PCDHGB4: variants seen among roughly 807,000 people sequenced by gnomAD.
The protein encoded by PCDHGB4 is protocadherin gamma subfamily B, 4.
In PCDHGB4, 38 loss-of-function variants were observed where a neutral mutation model predicts 60.5. The ratio of observed to expected loss-of-function variants is 0.63; its 90% CI spans 0.48 to 0.82. PCDHGB4 has a LOEUF of 0.82. Among genes scored for constraint, PCDHGB4 ranks in the 40% least tolerant of loss-of-function variants. The pLI is 0.00. For synonymous variants in PCDHGB4, 456 were observed against 509.7 expected (o/e 0.89, Z 1.42); for missense variants, 1,109 against 1,209.6 (o/e 0.92, Z 1.23).
intron 1 of PCDHGB4, among the ~76,000 whole-genome samples, chr5:141,464,833 G>A (rs1015373577): frequency 6.6e-6 from 1 of 151,990 alleles, no homozygotes; most frequent in African/African-American, 2.4e-5. Context: ...CGCACTCCTG[G>A]GCTCAAGCAA....
rs141959335 is a variant in PCDHGB4, at chr5:141,491,261, T to C, written c.2398-3546T>C. On this transcript the variant is annotated intron_variant, in intron 1 of 3. Transcript: ENST00000519479. This position sits in a 1 kb window ranked among gnomAD's most constrained non-coding sequence, Gnocchi z 6.9. Reference sequence around the variant, plus strand: ...CTGGAGGATGAGGACCCTGAGGAAATGCCCAAATCCAGTGACTTCCTCATA... The same window carrying C: ...CTGGAGGATGAGGACCCTGAGGAAACGCCCAAATCCAGTGACTTCCTCATA... 104 of 1,614,044 alleles carry C rather than the reference T, an allele frequency of 6.4e-5. No individual in the cohort carries two copies. Among genetic ancestry groups the C allele is most frequent in the Non-Finnish European group, 8.1e-5 (95 of 1,180,028 alleles).
In PCDHGB4 at chr5:141,511,286, G is replaced by A. The variant is rs1231704933; in HGVS notation, c.*113G>A. On this transcript the variant is annotated 3_prime_UTR_variant, in exon 4 of 4. Coordinates refer to ENST00000519479, the MANE Select transcript of PCDHGB4 (RefSeq NM_003736.4). The stretch of plus-strand genomic sequence containing the variant: ...GGCTAACCCCCAGAATACTGGTAGG[G>A]GCCAAGGCCATGCTCCCCTTGGGAA... 2 of 1,520,242 alleles carry A rather than the reference G, an allele frequency of 1.3e-6. No individual in the cohort carries two copies. The allele number at this position is 1,520,242 out of a possible 1,614,324, so 94.2% of individuals were successfully genotyped here.
chr5:141,398,528 C>T (rs1355149152), intron 1 of PCDHGB4: 2 of 1,613,386 alleles, frequency 1.2e-6, no homozygotes, highest in Non-Finnish European at 1.7e-6. Flanking sequence ...CCAAAATTCA[C>T]GCAAAATTCC....
rs1561728654 is a variant in PCDHGB4, at chr5:141,410,479, G to C, written c.2397+20198G>C. 3.7e-6 allele frequency: 6 copies of C among 1,613,838 alleles called. No homozygotes were observed. In the African/African-American group the frequency reaches 8.0e-5, roughly 22 times the overall value. ...CTTATAATCTGTGCATTGCACATAC[G>C]GGTACAAAAGAGTTTAATTTCCTAA... On this transcript the variant is annotated intron_variant, in intron 1 of 3. Coordinates refer to ENST00000519479, the MANE Select transcript of PCDHGB4 (RefSeq NM_003736.4).
chr5:141,422,723 G>A lies in PCDHGB4; in HGVS notation c.2397+32442G>A. The stretch of plus-strand genomic sequence containing the variant: ...TCTCTGACGGATGACACTGTCCAGG[G>A]GGTGCCTCTGTCCTCCTATGTCTCT... On this transcript the variant is annotated intron_variant, in intron 1 of 3. Coordinates refer to ENST00000519479, the MANE Select transcript of PCDHGB4 (RefSeq NM_003736.4). The A allele has an allele frequency of 1.2e-6, 2 of 1,605,958 alleles. No homozygotes were observed. The highest frequency in any genetic ancestry group is 1.7e-6 in the Non-Finnish European group (2 of 1,175,478).
chr5:141,419,354 C>G (rs1444462815), intron 1 of PCDHGB4: 1 of 1,613,828 alleles, frequency 6.2e-7, no homozygotes, highest in Admixed American at 1.7e-5. Flanking sequence ...CCTGGAGTCA[C>G]GAACGCTGTC....
rs769232324 is a variant in PCDHGB4, at chr5:141,423,034, G to T, written c.2397+32753G>T. 4 of 1,614,082 alleles carry T rather than the reference G, an allele frequency of 2.5e-6. No individual in the cohort carries two copies. In the African/African-American group the frequency reaches 4.0e-5, roughly 16 times the overall value. On this transcript the variant is annotated intron_variant, in intron 1 of 3. Coordinates refer to ENST00000519479, the MANE Select transcript of PCDHGB4 (RefSeq NM_003736.4). ...GGTGGACAAAGATTCAGGCCAGAAC[G>T]CCTGGCTGTCCTATCGCCTGCTTAA...
chr5:141,422,853 C>T (rs746989617), intron 1 of PCDHGB4: 8 of 1,614,264 alleles, frequency 5.0e-6, no homozygotes, highest in South Asian at 3.3e-5. Flanking sequence ...GGGACCCGCC[C>T]CTCAGCAGCA....
At chr5:141,398,949 C>T (rs749860900) in intron 1 of PCDHGB4, 1 of 1,613,948 alleles carries the variant, frequency 6.2e-7, no homozygotes, top group Non-Finnish European at 8.5e-7. Flanking sequence ...AGGGCATCAA[C>T]TCAGAAATTA....
In PCDHGB4 at chr5:141,493,811, A is replaced by T. The variant is rs956872917; in HGVS notation, c.2398-996A>T. Reference sequence around the variant, plus strand: ...CTCCCTGGAGTAATCTGAGATACTCACACTCTCTGCTTCTGGGAGCAAGTA... The same window carrying T: ...CTCCCTGGAGTAATCTGAGATACTCTCACTCTCTGCTTCTGGGAGCAAGTA... On this transcript the variant is annotated intron_variant, in intron 1 of 3. Transcript: ENST00000519479. The surrounding 1 kb of genome is among the most constrained non-coding windows in gnomAD (Gnocchi z 4.3). Among the ~76,000 whole-genome samples the T allele has an allele frequency of 1.3e-5, 2 of 152,154 alleles. No homozygotes were observed. The highest frequency in any genetic ancestry group is 2.9e-5 in the Non-Finnish European group (2 of 68,036).
At chr5:141,427,156 T>G (rs533425641) in intron 1 of PCDHGB4, 10 of 456,890 alleles carry the variant, frequency 2.2e-5, no homozygotes, top group African/African-American at 2.0e-4. Flanking sequence ...AATATGTTTG[T>G]GCTAGACCAT....
intron 1 of PCDHGB4, chr5:141,398,772 G>T: frequency 6.2e-7 from 1 of 1,613,910 alleles, no homozygotes; most frequent in Non-Finnish European, 8.5e-7. Flanking sequence ...TGACTGCCTT[G>T]GACGGTGGAC....
At position 141,408,408 on chromosome 5, in the gene PCDHGB4, G is replaced by A. The variant is rs376957467; in HGVS notation, c.2397+18127G>A. On this transcript the variant is annotated intron_variant, in intron 1 of 3. Coordinates refer to ENST00000519479, the MANE Select transcript of PCDHGB4 (RefSeq NM_003736.4). The stretch of plus-strand genomic sequence containing the variant: ...GTGTCGGCTCGCAAGCTGCGAGTGA[G>A]CGCGGAGAAGCTGCACTTCAGCGTA... 5 of 1,614,080 alleles carry A rather than the reference G, an allele frequency of 3.1e-6. No homozygotes were observed. The Admixed American group carries it at 5.0e-5, about 16-fold the overall frequency.
chr5:141,510,435 C>T (rs938448523), intron 3 of PCDHGB4, among the ~76,000 whole-genome samples: 2 of 152,108 alleles, frequency 1.3e-5, no homozygotes, highest in Non-Finnish European at 2.9e-5. Context: ...ATGGCTGCTG[C>T]CCTCCAGGAG....
chr5:141,441,810 C>A, intron 1 of PCDHGB4: 1 of 372,576 alleles, frequency 2.7e-6, no homozygotes. Context: ...GGTGCTGTAC[C>A]CCAGCTCTGG....
chr5:141,492,934 G>A (rs1382515835), intron 1 of PCDHGB4, among the ~76,000 whole-genome samples: 7 of 152,236 alleles, frequency 4.6e-5, no homozygotes, highest in Admixed American at 4.6e-4. Flanking sequence ...TAGGGTCAGA[G>A]ATTTGGAGGT....
At chr5:141,462,121 T>A (rs977258025) in intron 1 of PCDHGB4, among the ~76,000 whole-genome samples, 2 of 151,730 alleles carry the variant, frequency 1.3e-5, no homozygotes, top group Non-Finnish European at 2.9e-5. Context: ...CTGCACCCAG[T>A]CCAATTTTTT....
chr5:141,472,980 C>CAAAAAAAAAAAAAAAAAAGAAAAAAA (rs60579131), intron 1 of PCDHGB4, among the ~76,000 whole-genome samples: 1 of 86,106 alleles, frequency 1.2e-5, no homozygotes, highest in South Asian at 4.3e-4. Flanking sequence ...GAGTGAAACT[C>CAAAAAAAAAAAAAAAAAAGAAAAAAA]AAAAAAAAAA....
chr5:141,430,632 C>T, intron 1 of PCDHGB4: 1 of 852,604 alleles, frequency 1.2e-6, no homozygotes, highest in Non-Finnish European at 1.7e-6. Flanking sequence ...AATGAACCAT[C>T]CCTGGGAGTA....
Sources: gnomAD v4.1 joint callset for allele counts (sites outside exome capture counted in the v4.1 genomes callset) on GRCh38, gnomAD v4.1.1 for gene constraint, Gnocchi (gnomAD v3.1) non-coding constraint, MANE v1.5 for transcripts, NCBI Gene and HGNC (gene_info 2026-07-23, HGNC 2026-07-21) for gene names.